The following PARN variants were observed in gnomAD, a reference collection of about 807,000 sequenced individuals.
The protein encoded by PARN is poly(A)-specific ribonuclease PARN.
PARN carries 71 observed loss-of-function variants against 102.8 expected under a neutral mutation model. The observed-to-expected ratio is 0.69, with a 90% confidence interval of 0.57 to 0.84. The LOEUF is 0.84. Among genes scored for constraint, PARN ranks in the 40% least tolerant of loss-of-function variants. The probability of loss-of-function intolerance (pLI) is 0.00; values close to 1 mark genes in which losing one functional copy is unlikely to be tolerated. For synonymous variants in PARN, 261 were observed against 252.9 expected (o/e 1.03, Z -0.30); for missense variants, 782 against 760.9 (o/e 1.03, Z -0.33).
At chr16:14,570,340 A>C (rs1030261070) in intron 18 of PARN, among the ~76,000 whole-genome samples, 1 of 150,426 alleles carries the variant, frequency 6.6e-6, no homozygotes, top group African/African-American at 2.4e-5. Flanking sequence ...AAAAAAAAAA[A>C]AAAAAAAAGA....
At chr16:14,571,932 C>CA (rs1968838621) in intron 18 of PARN, among the ~76,000 whole-genome samples, 1 of 152,182 alleles carries the variant, frequency 6.6e-6, no homozygotes, top group Admixed American at 6.5e-5. Flanking sequence ...AGAAATCAAT[C>CA]AAACGGCTTT....
At chr16:14,552,146 ATTAGAT>A in intron 20 of PARN, 51 bp from the exon 21 acceptor site, 1 of 1,057,170 alleles carries the variant, frequency 9.5e-7, no homozygotes, top group Non-Finnish European at 1.5e-6. Context: ...GTGGAGAGCT[ATTAGAT>A]TTAATGCGCG....
chr16:14,494,947 G>A (rs542396963), intron 21 of PARN, among the ~76,000 whole-genome samples: 2 of 152,278 alleles, frequency 1.3e-5, no homozygotes, highest in South Asian at 4.1e-4. Flanking sequence ...AAACATCGGT[G>A]GAAATGTGGG....
At chr16:14,582,099 T>A in intron 17 of PARN, 82 bp downstream of exon 17, 1 of 865,254 alleles carries the variant, frequency 1.2e-6, no homozygotes, top group Non-Finnish European at 2.0e-6. Context: ...GACAGTAATT[T>A]ATTACAGCAG....
At chr16:14,458,742 A>C (rs1961807496) in intron 22 of PARN, among the ~76,000 whole-genome samples, 1 of 152,208 alleles carries the variant, frequency 6.6e-6, no homozygotes, top group Non-Finnish European at 1.5e-5. Flanking sequence ...AGGAGGGAGC[A>C]AGGCTGTAAT....
chr16:14,543,378 G>A (rs1394606657), intron 21 of PARN, among the ~76,000 whole-genome samples: 1 of 152,214 alleles, frequency 6.6e-6, no homozygotes, highest in Non-Finnish European at 1.5e-5. Flanking sequence ...CTTCAGGCAT[G>A]AATGAGGAAC....
intron 5 of PARN, among the ~76,000 whole-genome samples, chr16:14,618,363 C>T (rs909966175): frequency 1.3e-5 from 2 of 152,044 alleles, no homozygotes; most frequent in Non-Finnish European, 2.9e-5. Flanking sequence ...CAGCATGTGC[C>T]TCTAGTCCCA....
chr16:14,563,978 G>C (rs145028314), intron 18 of PARN, among the ~76,000 whole-genome samples: 1 of 152,010 alleles, frequency 6.6e-6, no homozygotes, highest in Admixed American at 6.6e-5. Context: ...GGAAGTTATC[G>C]GTCCCCCTGT....
chr16:14,577,396 C>T (rs564276123), intron 18 of PARN, among the ~76,000 whole-genome samples: 1 of 152,194 alleles, frequency 6.6e-6, no homozygotes, highest in East Asian at 1.9e-4. Context: ...AATTGTTTTT[C>T]CTTCTTTTTT....
At chr16:14,584,825 T>C (rs765673170) in intron 14 of PARN, 34 bp from the exon 15 acceptor site, 17 of 1,197,926 alleles carry the variant, frequency 1.4e-5, no homozygotes, top group Non-Finnish European at 2.0e-5. Context: ...AAACAAAATG[T>C]ATATCAATGT....
chr16:14,599,037 CTTTTTTTT>C (rs71150194), intron 12 of PARN, among the ~76,000 whole-genome samples: 57 of 81,464 alleles, frequency 7.0e-4, no homozygotes, highest in South Asian at 1.6e-3. Context: ...TTCTCCTCTT[CTTTTTTTT>C]TTTTTTTTTT....
chr16:14,589,262 G>A (rs1970030378), intron 13 of PARN, among the ~76,000 whole-genome samples: 1 of 152,044 alleles, frequency 6.6e-6, no homozygotes, highest in Non-Finnish European at 1.5e-5. Context: ...TACTTGGCCA[G>A]TAAGAAGTGG....
chr16:14,481,189 C>G (rs1328199670), intron 22 of PARN, among the ~76,000 whole-genome samples: 4 of 152,236 alleles, frequency 2.6e-5, no homozygotes, highest in East Asian at 1.9e-4. Flanking sequence ...GAAACATTCA[C>G]AGCAGCCTTA....
chr16:14,626,432 AACC>A (rs1469387140), intron 5 of PARN, among the ~76,000 whole-genome samples: 3 of 152,140 alleles, frequency 2.0e-5, no homozygotes, highest in African/African-American at 7.2e-5. Context: ...TACAGGTGTA[AACC>A]ACCACATCCA....
At chr16:14,479,255 C>CA (rs1257716686) in intron 22 of PARN, among the ~76,000 whole-genome samples, 1 of 151,824 alleles carries the variant, frequency 6.6e-6, no homozygotes, top group African/African-American at 2.4e-5. Context: ...CTTGTCTCTA[C>CA]AAAAAAATTT....
At chr16:14,486,647 G>A (rs1351853258) in intron 21 of PARN, among the ~76,000 whole-genome samples, 1 of 152,170 alleles carries the variant, frequency 6.6e-6, no homozygotes, top group African/African-American at 2.4e-5. Context: ...TTCACTGCTG[G>A]CCTCCACGTG....
At chr16:14,478,833 G>A (rs1465481966) in intron 22 of PARN, among the ~76,000 whole-genome samples, 1 of 152,160 alleles carries the variant, frequency 6.6e-6, no homozygotes, top group African/African-American at 2.4e-5. Context: ...CCAGGCTGAA[G>A]TGCAATGGCG....
chr16:14,600,774 T>C (rs1367602938), intron 11 of PARN, among the ~76,000 whole-genome samples: 1 of 151,838 alleles, frequency 6.6e-6, no homozygotes, highest in East Asian at 1.9e-4. Flanking sequence ...CTACTAAAAA[T>C]AAAAAATTAT....
intron 21 of PARN, chr16:14,501,435 C>CAAAAAGAAAAAAAAAAA (rs1964594065): frequency 3.6e-5 from 1 of 27,592 alleles, no homozygotes; most frequent in African/African-American, 8.8e-5. Flanking sequence ...CAAGACTGTC[C>CAAAAAGAAAAAAAAAAA]AAAAAAAAAA....
Sources: allele counts gnomAD v4.1 joint callset (sites outside exome capture counted in the v4.1 genomes callset), GRCh38; gene constraint gnomAD v4.1.1; transcripts MANE v1.5; gene names NCBI Gene and HGNC (gene_info 2026-07-23, HGNC 2026-07-21).